Variants in RYR1 observed in about 807,000 individuals in gnomAD.
RYR1 encodes the protein central core disease of muscle.
A neutral mutation model predicts 583.5 loss-of-function variants in RYR1; 342 were observed. That is an observed-to-expected ratio of 0.59 (90% CI 0.54 to 0.64). The LOEUF (loss-of-function observed/expected upper bound fraction) is 0.64. Among genes scored for constraint, RYR1 ranks in the 30% least tolerant of loss-of-function variants. The probability of loss-of-function intolerance (pLI) is 0.00; values close to 1 mark genes in which losing one functional copy is unlikely to be tolerated. For synonymous variants in RYR1, 2,791 were observed against 2,822.5 expected, an observed-to-expected ratio of 0.99 and a Z score of 0.35; for missense variants, 6,032 against 6,917.2, an observed-to-expected ratio of 0.87 and a Z score of 4.54.
At chr19:38,463,315 G>A (rs879657810) in intron 20 of RYR1, 108 bp from the exon 21 acceptor site, 7 of 860,034 alleles carry the variant, frequency 8.1e-6, no homozygotes, top group Non-Finnish European at 1.1e-5. Context: ...GTGGGAAAGG[G>A]GGTGCTGGAG....
chr19:38,504,220 C>T lies in RYR1; in HGVS notation c.7927C>T (p.Leu2643Phe). The change falls in exon 50 of 106, where the codon CTC (leucine) becomes TTC (phenylalanine). Residue 2643 changes from leucine to phenylalanine, a missense_variant and splice_region_variant. Physicochemically the swap from Leu to Phe is conservative, Grantham distance 22. Coordinates refer to ENST00000359596, the MANE Select transcript of RYR1 (RefSeq NM_000540.3). ...LNEFAKMPLK[L>F]LTNHYERCWK... ...GTGTCCCCCTCTTGTTCCCACCCAG[C>T]TCCTCACCAACCACTATGAGCGCTG... 1.2e-6 allele frequency: 2 copies of T among 1,612,144 alleles called. No homozygotes were observed. The highest frequency in any genetic ancestry group is 1.7e-6 in the Non-Finnish European group (2 of 1,179,232).
chr19:38,481,216 T>A (rs1316024216), intron 31 of RYR1, among the ~76,000 whole-genome samples: 2 of 152,052 alleles, frequency 1.3e-5, no homozygotes, highest in African/African-American at 4.8e-5. Flanking sequence ...AGCCTCAACC[T>A]CCTGGGATCA....
At chr19:38,505,780 A>C (rs1412507878) in intron 53 of RYR1, 26 bp from the exon 54 acceptor site, 2 of 1,613,056 alleles carry the variant, frequency 1.2e-6, no homozygotes, top group East Asian at 2.2e-5. Flanking sequence ...CATTCCACCA[A>C]CTCCCCACCC....
chr19:38,527,805 C>T (rs1971537562), intron 73 of RYR1, 21 bp downstream of exon 73: 2 of 1,612,158 alleles, frequency 1.2e-6, no homozygotes, highest in East Asian at 4.5e-5. Flanking sequence ...CCGGAGGGGT[C>T]TTTCTACTGG....
rs748800207 is a variant in RYR1 at position 38,457,526 on chromosome 19, G to A, written c.1821G>A (p.Val607=). The change falls in exon 17 of 106, where the codon GTG becomes GTA. Residue 607 remains valine (V), a synonymous_variant. Transcript: ENST00000359596. Reference sequence around the variant, plus strand: ...TGGACGTGCTATGCTCCCTGTGTGTGTGTAATGGTGTGGCTGTACGCTCCA... The same window carrying A: ...TGGACGTGCTATGCTCCCTGTGTGTATGTAATGGTGTGGCTGTACGCTCCA... ...KVLDVLCSLC[V]CNGVAVRSNQ... is the part of the protein sequence containing the mutation. The A allele has an allele frequency of 6.2e-7, 1 of 1,614,130 alleles. No homozygotes were observed. The highest frequency in any genetic ancestry group is 2.2e-5 in the East Asian group (1 of 44,886).
At chr19:38,445,956 C>A (rs561597307) in intron 7 of RYR1, among the ~76,000 whole-genome samples, 2 of 152,276 alleles carry the variant, frequency 1.3e-5, no homozygotes, top group South Asian at 4.1e-4. Flanking sequence ...CACTGCACTG[C>A]AGCCTGGGCA....
intron 27 of RYR1, among the ~76,000 whole-genome samples, chr19:38,473,066 G>C (rs996077366): frequency 6.6e-6 from 1 of 151,486 alleles, no homozygotes; most frequent in Non-Finnish European, 1.5e-5. Context: ...ACTGGTTACA[G>C]AATGACAGAG....
At chr19:38,506,721 A>G (rs1452467918) in intron 56 of RYR1, 108 bp from the exon 57 acceptor site, 48 of 1,531,988 alleles carry the variant, frequency 3.1e-5, no homozygotes, top group Non-Finnish European at 3.5e-5. Context: ...CGTTATTCGT[A>G]TCTTCTTTAT....
chr19:38,574,222 T>G (rs1033819626), intron 96 of RYR1, among the ~76,000 whole-genome samples: 2 of 137,644 alleles, frequency 1.5e-5, no homozygotes, highest in African/African-American at 5.6e-5. Flanking sequence ...ATTGTGCCTC[T>G]GCACTCCAGC....
intron 89 of RYR1, among the ~76,000 whole-genome samples, chr19:38,556,934 G>T (rs1972901828): frequency 6.6e-6 from 1 of 152,014 alleles, no homozygotes; most frequent in African/African-American, 2.4e-5. Context: ...TTCCTATGTG[G>T]GGCTACTGTA....
At position 38,496,572 on chromosome 19, in the gene RYR1, C is replaced by T. The variant is rs1485860393; in HGVS notation, c.6796+31C>T. 3 of 1,612,642 alleles carry T rather than the reference C, an allele frequency of 1.9e-6. No individual in the cohort carries two copies. Among genetic ancestry groups the T allele is most frequent in the South Asian group, 2.2e-5 (2 of 91,068 alleles). On this transcript the variant is annotated intron_variant, in intron 41 of 105. Coordinates refer to ENST00000359596, the MANE Select transcript of RYR1 (RefSeq NM_000540.3). The surrounding 1 kb of genome is among the most constrained non-coding windows in gnomAD (Gnocchi z 4.8). ...AACCCCCGAGCCCAGGGGCTGTCCC[C>T]CAGAACCCACTCCTGGCACCCCGTC...
At chr19:38,486,304 C>A (rs758279433) in intron 34 of RYR1, 102 bp downstream of exon 34, 1 of 1,338,894 alleles carries the variant, frequency 7.5e-7, no homozygotes. Flanking sequence ...CATCCAACCA[C>A]CCATTCATTC....
At position 38,502,742 on chromosome 19, in the gene RYR1, G is replaced by A. The variant is rs1393535036; in HGVS notation, c.7835+15G>A. On this transcript the variant is annotated intron_variant, in intron 48 of 105. Transcript: ENST00000359596. Reference sequence around the variant, plus strand: ...TCGCTCTGCAGGTGGAGCGGGGCAGGCTTCAGGGTGGGGCAGGGGCAGGGG... The same window carrying A: ...TCGCTCTGCAGGTGGAGCGGGGCAGACTTCAGGGTGGGGCAGGGGCAGGGG... The A allele has an allele frequency of 8.9e-6, 14 of 1,574,568 alleles. No homozygotes were observed. The highest frequency in any genetic ancestry group is 1.2e-5 in the Non-Finnish European group (14 of 1,167,094).
intron 31 of RYR1, among the ~76,000 whole-genome samples, chr19:38,480,943 G>T (rs1968979962): frequency 6.6e-6 from 1 of 151,884 alleles, no homozygotes; most frequent in East Asian, 1.9e-4. Context: ...GCCCAGCCTG[G>T]TCTTGAACTC....
intron 105 of RYR1, 99 bp downstream of exon 105, chr19:38,586,675 G>A: frequency 1.7e-6 from 2 of 1,210,374 alleles, no homozygotes; most frequent in South Asian, 2.4e-5. Flanking sequence ...TCAATATCAA[G>A]GGTTAGGGCT....
In RYR1 at chr19:38,504,716, C is replaced by T. The variant is rs762737702; in HGVS notation, c.8068-32C>T. 4 of 839,768 alleles carry T rather than the reference C, an allele frequency of 4.8e-6. No homozygotes were observed. The East Asian group carries it at 1.5e-4, about 32-fold the overall frequency. 52.0% of individuals were successfully genotyped at this position (839,768 alleles called of 1,614,324 possible). A position where few individuals can be genotyped will look rare whatever the true frequency, so the allele number is the denominator to read the frequency against. Reference sequence around the variant, plus strand: ...TGGGGGTCAGTAAGGCTTATAGCGACCTCCTACCCCTGCTTCACCCGGTTT... The same window carrying T: ...TGGGGGTCAGTAAGGCTTATAGCGATCTCCTACCCCTGCTTCACCCGGTTT... On this transcript the variant is annotated intron_variant, in intron 50 of 105. Coordinates refer to ENST00000359596, the MANE Select transcript of RYR1 (RefSeq NM_000540.3).
At position 38,572,083 on chromosome 19, in the gene RYR1, C is replaced by T; in HGVS notation, c.13811C>T (p.Ala4604Val). ...EGSAAGDVSG[A>V]GSGGSSGWGL... Reference sequence around the variant, plus strand: ...TCAGCTGCTGGGGATGTGTCAGGTGCAGGCTCTGGTGGCAGCTCTGGCTGG... The same window carrying T: ...TCAGCTGCTGGGGATGTGTCAGGTGTAGGCTCTGGTGGCAGCTCTGGCTGG... The change falls in exon 95 of 106, where the codon GCA becomes GTA. Residue 4604 changes from alanine (A) to valine (V), a missense_variant. Ala to Val is a moderately conservative substitution (Grantham distance 64). Transcript: ENST00000359596. 6.2e-7 allele frequency: 1 copy of T among 1,614,148 alleles called. No individual in the cohort carries two copies. The highest frequency in any genetic ancestry group is 8.5e-7 in the Non-Finnish European group (1 of 1,180,030).
Position 38,502,573 on chromosome 19 carries a change from C to T in RYR1, c.7681C>T (p.Leu2561Phe), listed in dbSNP as rs1426100008. The T allele has an allele frequency of 5.0e-6, 8 of 1,612,406 alleles. 1 individual carries two copies. The South Asian group carries it at 7.7e-5, about 15-fold the overall frequency. The change falls in exon 48 of 106, where the codon CTC becomes TTC. Residue 2561 changes from leucine to phenylalanine, a missense_variant. Physicochemically the swap from Leu to Phe is conservative, Grantham distance 22 (BLOSUM62 0). Around this residue, in one of 11 missense-constraint regions of RYR1, gnomAD observed 250 missense variants for 162.3 expected, o/e 1.54. Transcript: ENST00000359596. ...NRYLCLAVLP[L>F]ITKCAPLFAG... The stretch of plus-strand genomic sequence containing the variant: ...CTACCTGTGCCTGGCCGTGCTGCCG[C>T]TCATCACCAAGTGTGCGCCGCTCTT...
At chr19:38,481,302 T>A (rs1338416214) in intron 31 of RYR1, among the ~76,000 whole-genome samples, 1 of 152,072 alleles carries the variant, frequency 6.6e-6, no homozygotes, top group African/African-American at 2.4e-5. Flanking sequence ...AATTTTTGTA[T>A]TTTTTGTAGA....
Sources: allele counts gnomAD v4.1 joint callset (sites outside exome capture counted in the v4.1 genomes callset), GRCh38; gene constraint gnomAD v4.1.1; regional missense constraint gnomAD v4.1.1; non-coding constraint Gnocchi (gnomAD v3.1); transcripts MANE v1.5; gene names NCBI Gene and HGNC (gene_info 2026-07-23, HGNC 2026-07-21).